Variants in NCOR2 observed in about 807,000 individuals in gnomAD.
The protein encoded by NCOR2 is CTG repeat protein 26.
Under a neutral mutation model 262.9 loss-of-function variants are expected in NCOR2, and 81 were observed. That is an observed-to-expected ratio of 0.31 (90% CI 0.26 to 0.37). The LOEUF (loss-of-function observed/expected upper bound fraction) is 0.37, where lower values mean the gene tolerates loss of function less well. Ranked by LOEUF, NCOR2 falls within the 10% of genes least tolerant of loss-of-function variation. The pLI is 1.00. For missense variants in NCOR2, 3,385 were observed against 3,621.4 expected, an observed-to-expected ratio of 0.93 and a Z score of 1.68; for synonymous variants, 1,659 against 1,559.3, an observed-to-expected ratio of 1.06 and a Z score of -1.51.
chr12:124,542,343 C>T (rs1431319363), intron 1 of NCOR2, among the ~76,000 whole-genome samples: 2 of 152,140 alleles, frequency 1.3e-5, no homozygotes. Flanking sequence ...GCCACACCGG[C>T]CACAACAGCC....
At chr12:124,545,671 A>G (rs1270050785) in intron 1 of NCOR2, among the ~76,000 whole-genome samples, 2 of 152,342 alleles carry the variant, frequency 1.3e-5, no homozygotes, top group Admixed American at 1.3e-4. Context: ...CAGGGCCCTG[A>G]GTCAGAGCAA....
chr12:124,348,086 C>A lies in NCOR2; in HGVS notation c.3985+88G>T, dbSNP rs192141831. Reference sequence around the variant, plus strand: ...GATGGAGCCTCAGAAAGCCCAGCCTCGGTTTCCCCATCTGTAAAACGGGGT... The same window carrying A: ...GATGGAGCCTCAGAAAGCCCAGCCTAGGTTTCCCCATCTGTAAAACGGGGT... On this transcript the variant is annotated intron_variant, in intron 29 of 46. Transcript: ENST00000405201. 1.2e-3 allele frequency: 1,902 copies of A among 1,578,358 alleles called. 9 individuals carry two copies. Among genetic ancestry groups the A allele is most frequent in the Middle Eastern group, 7.8e-3 (46 of 5,928 alleles).
At chr12:124,343,544 C>T (rs1424821417) in intron 32 of NCOR2, among the ~76,000 whole-genome samples, 3 of 152,138 alleles carry the variant, frequency 2.0e-5, no homozygotes, top group East Asian at 1.9e-4. Context: ...CACAAGCTGA[C>T]ATTCAATGCG....
intron 1 of NCOR2, chr12:124,513,147 C>G (rs75649450): frequency 0.034 from 5,224 of 152,502 alleles, 139 homozygotes; most frequent in Middle Eastern, 0.068. Context: ...GCCTCTGACC[C>G]CAGCCACAGA....
At position 124,326,794 on chromosome 12, in the gene NCOR2, A is replaced by C. The variant is rs918758583; in HGVS notation, c.7184-424T>G. Among the ~76,000 whole-genome samples the C allele has an allele frequency of 4.6e-5, 7 of 152,234 alleles. No homozygotes were observed. The East Asian group carries it at 1.4e-3, about 29-fold the overall frequency. On this transcript the variant is annotated intron_variant, in intron 45 of 46. Coordinates refer to ENST00000405201, the Ensembl canonical transcript of NCOR2. ...ACCCCTGAGGCCAGGCCTGACCCCC[A>C]CAGAGGCTCCAGAAGCTTCTTGGGG...
intron 16 of NCOR2, among the ~76,000 whole-genome samples, chr12:124,392,444 C>T (rs1015844422): frequency 6.6e-6 from 1 of 152,160 alleles, no homozygotes; most frequent in Non-Finnish European, 1.5e-5. Context: ...TCTCCTTGGA[C>T]GCGAGCCCCG....
At chr12:124,526,442 G>A (rs1035156381) in intron 1 of NCOR2, among the ~76,000 whole-genome samples, 5 of 152,294 alleles carry the variant, frequency 3.3e-5, no homozygotes, top group South Asian at 2.1e-4. Context: ...AAGGGTTCAG[G>A]CCCCACTGCC....
chr12:124,395,424 C>T (rs369044251), intron 16 of NCOR2, among the ~76,000 whole-genome samples: 1 of 152,184 alleles, frequency 6.6e-6, no homozygotes, highest in African/African-American at 2.4e-5. Context: ...TCACGGCAGA[C>T]GAACATGCTG....
At chr12:124,346,708 C>T (rs1293738645) in exon 31 of NCOR2, 5 of 1,566,464 alleles carry the variant, frequency 3.2e-6, no homozygotes, top group South Asian at 2.3e-5. Context: ...GCTTCAGCTT[C>T]AGGGGGCCCA....
intron 8 of NCOR2, among the ~76,000 whole-genome samples, chr12:124,431,446 A>C (rs1026911498): frequency 2.0e-5 from 3 of 151,632 alleles, no homozygotes; most frequent in Non-Finnish European, 2.9e-5. Context: ...ACAGGCAGAC[A>C]GACAGTCATA....
chr12:124,419,079 C>T (rs2136289380), intron 13 of NCOR2, among the ~76,000 whole-genome samples: 1 of 152,306 alleles, frequency 6.6e-6, no homozygotes, highest in Non-Finnish European at 1.5e-5. Context: ...TGAGACGATG[C>T]TTCAAGAGCC....
chr12:124,348,479 A>G, intron 28 of NCOR2, 165 bp from the exon 31 acceptor site: 1 of 951,156 alleles, frequency 1.1e-6, no homozygotes, highest in Non-Finnish European at 1.5e-6. Flanking sequence ...GGCAGCCTGC[A>G]GGCCCTGGGG....
chr12:124,392,544 C>T (rs2136155203), intron 16 of NCOR2, among the ~76,000 whole-genome samples: 1 of 152,276 alleles, frequency 6.6e-6, no homozygotes, highest in East Asian at 1.9e-4. Context: ...CGGACAGCTG[C>T]ACCAGGAAGT....
At chr12:124,433,906 A>ACACG (rs2044174731) in intron 8 of NCOR2, among the ~76,000 whole-genome samples, 1 of 145,108 alleles carries the variant, frequency 6.9e-6, no homozygotes, top group Admixed American at 6.7e-5. Context: ...ACACGCACAC[A>ACACG]CACACACAGG....
upstream of NCOR2, among the ~76,000 whole-genome samples, chr12:124,540,226 G>C (rs373795875): frequency 4.7e-5 from 7 of 150,246 alleles, no homozygotes; most frequent in African/African-American, 1.7e-4. Context: ...TGGGAGGGAG[G>C]GCAGGGAGGG....
At chr12:124,346,187 T>C (rs996255318) in intron 31 of NCOR2, among the ~76,000 whole-genome samples, 3 of 152,262 alleles carry the variant, frequency 2.0e-5, no homozygotes, top group South Asian at 4.1e-4. Context: ...AGAGCATTGC[T>C]AGGGGGTGAA....
chr12:124,558,467 C>T (rs2051958553), intron 1 of NCOR2, among the ~76,000 whole-genome samples: 1 of 152,226 alleles, frequency 6.6e-6, no homozygotes, highest in South Asian at 2.1e-4. Context: ...TGTGGCTCCA[C>T]TGGGCTGCCT....
chr12:124,341,856 A>T lies in NCOR2; in HGVS notation c.5155T>A (p.Ser1719Thr), dbSNP rs1418840151. 1.9e-6 allele frequency: 3 copies of T among 1,609,856 alleles called. No homozygotes were observed. The South Asian group carries it at 3.3e-5, about 18-fold the overall frequency. The change falls in exon 34 of 47, where the codon TCG becomes ACG. Residue 1719 changes from serine (S) to threonine (T), a missense_variant. Physicochemically the swap from Ser to Thr is moderately conservative, Grantham distance 58 (BLOSUM62 1). This residue lies in a region of NCOR2 where 1,615 missense variants were observed against 1,626.9 expected (regional missense o/e 0.99). Coordinates refer to ENST00000405201, the Ensembl canonical transcript of NCOR2. ...CCCGCAGCGTAGTTGAGTGCCAGCG[A>T]GGACTCGCGGGGCGAGAGGCCCCTC...
At chr12:124,445,660 C>T (rs969779065) in intron 7 of NCOR2, among the ~76,000 whole-genome samples, 5 of 152,092 alleles carry the variant, frequency 3.3e-5, no homozygotes, top group African/African-American at 7.2e-5. Context: ...CACCTGACCC[C>T]GGCTGGATCA....
Sources: gnomAD v4.1 joint callset for allele counts (sites outside exome capture counted in the v4.1 genomes callset) on GRCh38, gnomAD v4.1.1 for gene constraint, gnomAD v4.1.1 regional missense constraint, MANE v1.5 for transcripts, NCBI Gene and HGNC (gene_info 2026-07-23, HGNC 2026-07-21) for gene names.